The following HACL1 variants were observed in gnomAD, a reference collection of about 807,000 sequenced individuals.
HACL1 encodes 2-hydroxyacyl-CoA lyase 1.
A neutral mutation model predicts 74.2 loss-of-function variants in HACL1; 64 were observed. The ratio of observed to expected loss-of-function variants is 0.86; its 90% confidence interval spans 0.70 to 1.06. The LOEUF is 1.06. HACL1 is among the 50% of genes least tolerant of loss of function. The pLI is 0.00. For synonymous variants in HACL1, 230 were observed against 238.8 expected, an observed-to-expected ratio of 0.96 and a Z score of 0.34; for missense variants, 728 against 719.7, an observed-to-expected ratio of 1.01 and a Z score of -0.13.
chr3:15,588,102 C>A (rs1161478844), intron 5 of HACL1, among the ~76,000 whole-genome samples: 2 of 151,980 alleles, frequency 1.3e-5, no homozygotes, highest in Non-Finnish European at 2.9e-5. Context: ...CCATGTTGGC[C>A]AGGCTGGTCT....
At chr3:15,563,926 A>G (rs944041311) in intron 15 of HACL1, among the ~76,000 whole-genome samples, 3 of 152,254 alleles carry the variant, frequency 2.0e-5, no homozygotes, top group Admixed American at 6.5e-5. Context: ...ACTATACTAG[A>G]CAGCACAGGC....
intron 3 of HACL1, among the ~76,000 whole-genome samples, chr3:15,594,557 A>G (rs939956327): frequency 2.0e-5 from 3 of 152,252 alleles, no homozygotes; most frequent in Admixed American, 6.5e-5. Flanking sequence ...AGACTTGAAA[A>G]TAAGTAATTA....
chr3:15,582,714 A>G (rs1044481099), intron 8 of HACL1, among the ~76,000 whole-genome samples, 163 bp downstream of exon 8: 6 of 152,244 alleles, frequency 3.9e-5, no homozygotes, highest in African/African-American at 1.4e-4. Context: ...TCTGGGCATT[A>G]AAGAATAAGT....
Position 15,586,515 on chromosome 3 carries a change from A to T in HACL1, c.459+10T>A. On this transcript the variant is annotated intron_variant, in intron 6 of 16. Transcript: ENST00000321169. ...AGTTGACTTGGAGAGCTTGTTATTA[A>T]ATACTGTACCTTTTCAATAACAAAA... 6.7e-7 allele frequency: 1 copy of T among 1,482,200 alleles called. No individual in the cohort carries two copies. The allele number at this position is 1,482,200 out of a possible 1,614,324, so 91.8% of individuals were successfully genotyped here. A position where few individuals can be genotyped will look rare whatever the true frequency, so the allele number is the denominator to read the frequency against.
intron 8 of HACL1, among the ~76,000 whole-genome samples, chr3:15,580,333 A>G (rs1322755547): frequency 6.6e-6 from 1 of 152,024 alleles, no homozygotes; most frequent in African/African-American, 2.4e-5. Flanking sequence ...GTCTCCCTAT[A>G]TTGCCCAGCT....
At chr3:15,584,593 GA>G (rs913861069) in intron 7 of HACL1, among the ~76,000 whole-genome samples, 1 of 149,430 alleles carries the variant, frequency 6.7e-6, no homozygotes, top group Non-Finnish European at 1.5e-5. Context: ...GTCTCAAATT[GA>G]AAAAAAAATC....
chr3:15,592,153 CG>C (rs2063924493), intron 3 of HACL1, among the ~76,000 whole-genome samples: 3 of 147,904 alleles, frequency 2.0e-5, no homozygotes, highest in African/African-American at 5.0e-5. Context: ...TGTATACATA[CG>C]TATATACGTA....
rs116607450 is a variant in HACL1, at chr3:15,601,011, C to A, written c.186+79G>T. The A allele has an allele frequency of 1.0e-2, 8,305 of 831,744 alleles. 235 individuals carry two copies. Among genetic ancestry groups the A allele is most frequent in the African/African-American group, 0.079 (4,757 of 60,234 alleles). The allele number at this position is 831,744 out of a possible 1,614,324, so 51.5% of individuals were successfully genotyped here. On this transcript the variant is annotated intron_variant, in intron 2 of 16. Coordinates refer to ENST00000321169, the MANE Select transcript of HACL1 (RefSeq NM_012260.4). ...GTAGCAGAAGAGTGGTAAGCGCTAT[C>A]TGGGTGTTTGCAATGCATACCTACC...
intron 8 of HACL1, among the ~76,000 whole-genome samples, chr3:15,581,205 G>A (rs1017842376): frequency 3.9e-5 from 6 of 152,088 alleles, no homozygotes; most frequent in South Asian, 2.1e-4. Context: ...CTCGGCCCAC[G>A]TTATCATTTG....
chr3:15,596,344 A>G, intron 3 of HACL1, 40 bp downstream of exon 3: 1 of 1,126,960 alleles, frequency 8.9e-7, no homozygotes, highest in Non-Finnish European at 1.4e-6. Flanking sequence ...TTCTACCCCA[A>G]AATATTAAAG....
intron 3 of HACL1, among the ~76,000 whole-genome samples, chr3:15,595,044 T>C (rs2064031137): frequency 6.6e-6 from 1 of 152,160 alleles, no homozygotes; most frequent in Non-Finnish European, 1.5e-5. Context: ...TGAGGATCGC[T>C]TGAACCCAGG....
At position 15,560,843 on chromosome 3, in the gene HACL1, G is replaced by T; in HGVS notation, c.*22C>A. ...ATCTTGCAAGAAAGAGAAAACTCAA[G>T]ACCACCAACTGGCGTCTTTATTTAC... On this transcript the variant is annotated 3_prime_UTR_variant, in exon 17 of 17. Coordinates refer to ENST00000321169, the MANE Select transcript of HACL1 (RefSeq NM_012260.4). The T allele has an allele frequency of 1.3e-6, 2 of 1,562,312 alleles. No individual in the cohort carries two copies. The highest frequency in any genetic ancestry group is 1.8e-6 in the Non-Finnish European group (2 of 1,139,226).
Position 15,568,070 on chromosome 3 carries a change from C to T in HACL1, c.1251-68G>A, listed in dbSNP as rs1362751459. On this transcript the variant is annotated intron_variant, in intron 13 of 16. Transcript: ENST00000321169. Reference sequence around the variant, plus strand: ...CATAGAGGATGGGATTGGCACAAACCTTCTAGTCATATTTACATGGTTGAT... The same window carrying T: ...CATAGAGGATGGGATTGGCACAAACTTTCTAGTCATATTTACATGGTTGAT... 3.1e-6 allele frequency: 4 copies of T among 1,285,896 alleles called. No individual in the cohort carries two copies. The East Asian group carries it at 9.3e-5, about 30-fold the overall frequency. The allele number at this position is 1,285,896 out of a possible 1,614,324, so 79.7% of individuals were successfully genotyped here. A position where few individuals can be genotyped will look rare whatever the true frequency, so the allele number is the denominator to read the frequency against.
intron 2 of HACL1, among the ~76,000 whole-genome samples, chr3:15,598,352 T>C (rs2064110872): frequency 6.6e-6 from 1 of 152,118 alleles, no homozygotes; most frequent in South Asian, 2.1e-4. Context: ...AAAGATCTGT[T>C]CCTCTACTAA....
chr3:15,576,595 A>G (rs2063631003), intron 9 of HACL1, among the ~76,000 whole-genome samples: 1 of 152,184 alleles, frequency 6.6e-6, no homozygotes, highest in South Asian at 2.1e-4. Context: ...TGGCTCTTAT[A>G]ACACATACAG....
chr3:15,587,392 G>C (rs1446967757), intron 5 of HACL1, among the ~76,000 whole-genome samples: 1 of 145,070 alleles, frequency 6.9e-6, no homozygotes, highest in Non-Finnish European at 1.5e-5. Flanking sequence ...TGTTTCTCTT[G>C]ATGTTTTAGT....
At chr3:15,569,135 G>GTTTT (rs1412474114) in intron 12 of HACL1, among the ~76,000 whole-genome samples, 1 of 152,130 alleles carries the variant, frequency 6.6e-6, no homozygotes, top group East Asian at 1.9e-4. Context: ...AAACAGCAAG[G>GTTTT]TAAACGCCTT....
At chr3:15,588,288 T>G (rs1428337695) in intron 5 of HACL1, among the ~76,000 whole-genome samples, 1 of 152,190 alleles carries the variant, frequency 6.6e-6, no homozygotes, top group Non-Finnish European at 1.5e-5. Context: ...CCAACAACTG[T>G]TTTTTCTAAA....
intron 10 of HACL1, among the ~76,000 whole-genome samples, chr3:15,574,498 G>A (rs1474605119): frequency 6.6e-6 from 1 of 152,204 alleles, no homozygotes; most frequent in Non-Finnish European, 1.5e-5. Context: ...GGGTCATAAT[G>A]ATACAAGAAT....
Sources: gnomAD v4.1 joint callset for allele counts (sites outside exome capture counted in the v4.1 genomes callset) on GRCh38, gnomAD v4.1.1 for gene constraint, MANE v1.5 for transcripts, NCBI Gene and HGNC (gene_info 2026-07-23, HGNC 2026-07-21) for gene names.